Variants in PRKG1 observed in about 807,000 individuals in gnomAD.
PRKG1 encodes protein kinase cGMP-dependent 1, also known as cGMP-dependent protein kinase 1.
A neutral mutation model predicts 88.1 loss-of-function variants in PRKG1; 35 were observed. The observed-to-expected ratio is 0.40, with a 90% confidence interval of 0.30 to 0.53. The LOEUF is 0.53. Ranked by LOEUF, PRKG1 falls within the 20% of genes least tolerant of loss-of-function variation. PRKG1 has a pLI of 0.59. For synonymous variants in PRKG1, 303 were observed against 292.5 expected, an observed-to-expected ratio of 1.04 and a Z score of -0.37; for missense variants, 540 against 839.8, an observed-to-expected ratio of 0.64 and a Z score of 4.41.
At chr10:51,779,992 T>A (rs1340175938) in intron 3 of PRKG1, among the ~76,000 whole-genome samples, 1 of 152,178 alleles carries the variant, frequency 6.6e-6, no homozygotes, top group Non-Finnish European at 1.5e-5. Context: ...AGGGCTAAAG[T>A]GAGCCTGGTT....
chr10:51,285,370 T>C (rs1046755407), intron 2 of PRKG1, among the ~76,000 whole-genome samples: 1 of 152,156 alleles, frequency 6.6e-6, no homozygotes, highest in Non-Finnish European at 1.5e-5. Context: ...CACAACTTTT[T>C]TCTGTTTCTC....
At chr10:51,474,173 T>C (rs1215382960) in intron 3 of PRKG1, among the ~76,000 whole-genome samples, 3 of 152,066 alleles carry the variant, frequency 2.0e-5, no homozygotes, top group Middle Eastern at 3.4e-3. Context: ...CAAAAGCAAC[T>C]AAGACCTAAA....
intron 2 of PRKG1, among the ~76,000 whole-genome samples, chr10:51,398,818 C>A (rs1489758990): frequency 1.3e-5 from 2 of 152,216 alleles, no homozygotes; most frequent in East Asian, 1.9e-4. Flanking sequence ...GGCTGACCCT[C>A]CAGCCAGTAA....
intron 3 of PRKG1, among the ~76,000 whole-genome samples, chr10:51,662,729 T>C (rs756336890): frequency 1.3e-5 from 2 of 152,172 alleles, no homozygotes; most frequent in Non-Finnish European, 2.9e-5. Flanking sequence ...GAATTCTTAC[T>C]GAAGGATTAA....
intron 5 of PRKG1, among the ~76,000 whole-genome samples, chr10:51,930,557 C>T (rs1270556157): frequency 7.1e-6 from 1 of 141,278 alleles, no homozygotes; most frequent in Non-Finnish European, 1.5e-5. Flanking sequence ...GCGGCATGAC[C>T]TCGGCTCACT....
At chr10:52,114,037 T>A (rs2132595559) in intron 7 of PRKG1, among the ~76,000 whole-genome samples, 1 of 152,202 alleles carries the variant, frequency 6.6e-6, no homozygotes, top group East Asian at 1.9e-4. Context: ...AAGCATAAAA[T>A]CACAAGAATA....
At chr10:51,099,155 T>G (rs192517500) in intron 1 of PRKG1, among the ~76,000 whole-genome samples, 3 of 152,260 alleles carry the variant, frequency 2.0e-5, no homozygotes, top group Admixed American at 6.5e-5. Context: ...TTCTGGGGAC[T>G]TTAATCTAAA....
chr10:51,716,955 C>T (rs543217985), intron 3 of PRKG1, among the ~76,000 whole-genome samples: 1 of 152,334 alleles, frequency 6.6e-6, no homozygotes, highest in Non-Finnish European at 1.5e-5. Flanking sequence ...GCCTTGACCT[C>T]CCAAAGTGCT....
At chr10:51,543,877 C>G (rs897127472) in intron 3 of PRKG1, among the ~76,000 whole-genome samples, 1 of 152,132 alleles carries the variant, frequency 6.6e-6, no homozygotes, top group Non-Finnish European at 1.5e-5. Flanking sequence ...AGAGACTTAA[C>G]AGGGATTTGG....
At chr10:51,779,085 A>G (rs1305291898) in intron 3 of PRKG1, among the ~76,000 whole-genome samples, 3 of 152,164 alleles carry the variant, frequency 2.0e-5, no homozygotes, top group Non-Finnish European at 4.4e-5. Flanking sequence ...TGTTTTAACC[A>G]GATAGTCCAG....
intron 4 of PRKG1, among the ~76,000 whole-genome samples, chr10:51,875,919 T>C (rs2132868220): frequency 6.6e-6 from 1 of 151,996 alleles, no homozygotes; most frequent in African/African-American, 2.4e-5. Context: ...TTTCTTTTTC[T>C]CCTCCTCCTT....
At chr10:51,690,857 C>A (rs552119145) in intron 3 of PRKG1, among the ~76,000 whole-genome samples, 1 of 137,708 alleles carries the variant, frequency 7.3e-6, no homozygotes, top group Non-Finnish European at 1.5e-5. Context: ...ACCCGGGAGG[C>A]AGAGGTTGCA....
chr10:51,540,348 G>A (rs1342474967), intron 3 of PRKG1, among the ~76,000 whole-genome samples: 1 of 152,082 alleles, frequency 6.6e-6, no homozygotes, highest in African/African-American at 2.4e-5. Flanking sequence ...CATCAATGTA[G>A]ACTATTAGCA....
chr10:51,578,985 T>A (rs868741430), intron 3 of PRKG1, among the ~76,000 whole-genome samples: 2 of 132,006 alleles, frequency 1.5e-5, no homozygotes, highest in African/African-American at 5.8e-5. Flanking sequence ...TGTTGGTTTT[T>A]TTTTTTTTTT....
chr10:51,721,778 C>G (rs1842019492), intron 3 of PRKG1, among the ~76,000 whole-genome samples: 1 of 152,112 alleles, frequency 6.6e-6, no homozygotes, highest in Non-Finnish European at 1.5e-5. Context: ...AATGGCAACT[C>G]TAAATATCAA....
intron 1 of PRKG1, among the ~76,000 whole-genome samples, chr10:51,049,043 AG>A (rs1202693241): frequency 6.6e-6 from 1 of 152,068 alleles, no homozygotes; most frequent in Non-Finnish European, 1.5e-5. Context: ...AAGCTGACAG[AG>A]GCTCTGTGTA....
chr10:51,577,001 T>G (rs1837905062), intron 3 of PRKG1, among the ~76,000 whole-genome samples: 1 of 151,990 alleles, frequency 6.6e-6, no homozygotes, highest in Non-Finnish European at 1.5e-5. Flanking sequence ...TAATACTTTT[T>G]TAAAAAATAG....
intron 2 of PRKG1, among the ~76,000 whole-genome samples, chr10:51,156,134 A>G (rs942475114): frequency 2.0e-5 from 3 of 151,990 alleles, no homozygotes; most frequent in African/African-American, 7.2e-5. Flanking sequence ...AAAAGAAGAC[A>G]CAAAGTTCTT....
chr10:51,993,810 G>A (rs1844371021), intron 5 of PRKG1, among the ~76,000 whole-genome samples: 1 of 152,054 alleles, frequency 6.6e-6, no homozygotes, highest in Non-Finnish European at 1.5e-5. Flanking sequence ...CATTTCTCTT[G>A]AATATATTCT....
Sources: allele counts gnomAD v4.1 joint callset (sites outside exome capture counted in the v4.1 genomes callset), GRCh38; gene constraint gnomAD v4.1.1; transcripts MANE v1.5; gene names NCBI Gene and HGNC (gene_info 2026-07-23, HGNC 2026-07-21).